Variants in DENND1A observed in about 807,000 individuals in gnomAD.
DENND1A encodes DENN domain containing 1A.
A neutral mutation model predicts 113.7 loss-of-function variants in DENND1A; 51 were observed. The observed-to-expected ratio is 0.45, with a 90% CI of 0.36 to 0.57. The LOEUF (loss-of-function observed/expected upper bound fraction) is 0.57. DENND1A is among the 20% of genes least tolerant of loss of function. The pLI is 0.00. For missense variants in DENND1A, 1,258 were observed against 1,395.9 expected (o/e 0.90, Z 1.57); for synonymous variants, 565 against 570.8 (o/e 0.99, Z 0.14).
At chr9:123,472,517 C>G (rs997926631) in intron 13 of DENND1A, among the ~76,000 whole-genome samples, 1 of 152,134 alleles carries the variant, frequency 6.6e-6, no homozygotes, top group Non-Finnish European at 1.5e-5. Context: ...AAAATACACA[C>G]AAAAATATAG....
At chr9:123,690,036 A>G (rs2065065581) in intron 5 of DENND1A, among the ~76,000 whole-genome samples, 1 of 126,400 alleles carries the variant, frequency 7.9e-6, no homozygotes, top group Non-Finnish European at 1.7e-5. Flanking sequence ...AGGGAAGAAA[A>G]GGAGGGAAGA....
At chr9:123,724,519 A>T (rs567957393) in intron 5 of DENND1A, among the ~76,000 whole-genome samples, 3 of 53,524 alleles carry the variant, frequency 5.6e-5, no homozygotes, top group African/African-American at 6.8e-4. Context: ...GCATAAAATT[A>T]AAAAAAAAAA....
rs553107725 is a variant in DENND1A, at chr9:123,665,079, C to T, written c.507+1947G>A. 8.9e-4 allele frequency among the ~76,000 whole-genome samples: 135 copies of T among 152,232 alleles called. 2 individuals are homozygous for T. In the South Asian group the frequency reaches 0.011, roughly 12 times the overall value. ...CATTAGGGAAATATTTTTCTCCTTT[C>T]GTTCATCATTTCAATGGAATTTTCT... On this transcript the variant is annotated intron_variant, in intron 8 of 23. Coordinates refer to ENST00000394215, the MANE Select transcript of DENND1A (RefSeq NM_001352964.2).
At chr9:123,588,833 T>C (rs2059325845) in intron 11 of DENND1A, among the ~76,000 whole-genome samples, 1 of 151,488 alleles carries the variant, frequency 6.6e-6, no homozygotes, top group Admixed American at 6.6e-5. Context: ...AGTGGCATGA[T>C]CTTGGCTCAC....
At chr9:123,552,674 C>A (rs1332170290) in intron 13 of DENND1A, among the ~76,000 whole-genome samples, 1 of 152,252 alleles carries the variant, frequency 6.6e-6, no homozygotes, top group African/African-American at 2.4e-5. Flanking sequence ...CGTTCACATA[C>A]CTGGCCTTCT....
At chr9:123,906,354 A>G (rs1312786997) in intron 1 of DENND1A, among the ~76,000 whole-genome samples, 2 of 131,020 alleles carry the variant, frequency 1.5e-5, no homozygotes, top group Non-Finnish European at 3.0e-5. Flanking sequence ...AAATAACTAA[A>G]ATCAGAGCAG....
chr9:123,618,970 CAG>C (rs2060801093), intron 10 of DENND1A, among the ~76,000 whole-genome samples: 1 of 152,176 alleles, frequency 6.6e-6, no homozygotes, highest in South Asian at 2.1e-4. Context: ...ATTTTTGAGA[CAG>C]AGTCTCGTTC....
At chr9:123,912,000 A>G (rs748583235) in intron 1 of DENND1A, among the ~76,000 whole-genome samples, 21 of 151,922 alleles carry the variant, frequency 1.4e-4, no homozygotes, top group Non-Finnish European at 2.6e-4. Flanking sequence ...TGCCGTGATT[A>G]TTTTTAAATA....
intron 5 of DENND1A, among the ~76,000 whole-genome samples, chr9:123,704,957 T>C (rs1218866025): frequency 1.3e-5 from 2 of 152,050 alleles, no homozygotes; most frequent in Non-Finnish European, 2.9e-5. Flanking sequence ...AAGCCTAATG[T>C]ATTCTAATCA....
intron 9 of DENND1A, among the ~76,000 whole-genome samples, chr9:123,647,487 C>G (rs1387773656): frequency 6.6e-6 from 1 of 152,168 alleles, no homozygotes; most frequent in Non-Finnish European, 1.5e-5. Context: ...GAAAGCAAAA[C>G]TTTTGATGTC....
intron 1 of DENND1A, among the ~76,000 whole-genome samples, chr9:123,914,382 C>CA (rs1054847495): frequency 2.7e-5 from 4 of 149,860 alleles, no homozygotes; most frequent in Admixed American, 6.6e-5. Context: ...ACTAAAAATA[C>CA]AAAAAAAAAT....
intron 20 of DENND1A, chr9:123,411,195 G>GTGATCCTCCCC (rs1351082164): frequency 6.6e-6 from 1 of 152,006 alleles, no homozygotes; most frequent in Non-Finnish European, 1.5e-5. Flanking sequence ...CTGGGCTCAA[G>GTGATCCTCCCC]TGATCCTCCC....
intron 13 of DENND1A, among the ~76,000 whole-genome samples, chr9:123,545,497 C>T (rs1229671739): frequency 2.6e-5 from 4 of 151,450 alleles, no homozygotes; most frequent in African/African-American, 7.3e-5. Context: ...GACAGAGTCT[C>T]GCTCTGTCGC....
intron 1 of DENND1A, among the ~76,000 whole-genome samples, chr9:123,918,492 A>G (rs1855644089): frequency 6.7e-6 from 1 of 149,434 alleles, no homozygotes; most frequent in South Asian, 2.1e-4. Context: ...CGTCTCAGAA[A>G]AAAAAAAAAA....
chr9:123,619,841 C>A (rs2060849521), intron 10 of DENND1A, among the ~76,000 whole-genome samples: 1 of 152,102 alleles, frequency 6.6e-6, no homozygotes, highest in African/African-American at 2.4e-5. Context: ...GAGATCAGCA[C>A]AGAATCTGTA....
chr9:123,431,434 C>T (rs1421271476), intron 19 of DENND1A, among the ~76,000 whole-genome samples: 1 of 152,198 alleles, frequency 6.6e-6, no homozygotes, highest in Non-Finnish European at 1.5e-5. Context: ...TTGTGGTCCA[C>T]CCTCCTGGGA....
intron 5 of DENND1A, among the ~76,000 whole-genome samples, chr9:123,699,293 T>A (rs1463107159): frequency 6.6e-6 from 1 of 152,152 alleles, no homozygotes; most frequent in Non-Finnish European, 1.5e-5. Flanking sequence ...GTCCTTCAGA[T>A]GGAAAGCTGT....
At chr9:123,407,623 G>A (rs1313988665) in intron 20 of DENND1A, among the ~76,000 whole-genome samples, 1 of 152,154 alleles carries the variant, frequency 6.6e-6, no homozygotes, top group Non-Finnish European at 1.5e-5. Flanking sequence ...TGGTGATGAA[G>A]GAAGAAACCC....
chr9:123,927,328 TG>T (rs1424791922), intron 1 of DENND1A, among the ~76,000 whole-genome samples: 2 of 152,316 alleles, frequency 1.3e-5, no homozygotes, highest in African/African-American at 4.8e-5. Context: ...AATGAGACAA[TG>T]TTAAGCCCTA....
Sources: gnomAD v4.1 joint callset for allele counts (sites outside exome capture counted in the v4.1 genomes callset) on GRCh38, gnomAD v4.1.1 for gene constraint, MANE v1.5 for transcripts, NCBI Gene and HGNC (gene_info 2026-07-23, HGNC 2026-07-21) for gene names.